The following RPL28 variants were observed in gnomAD, a reference collection of about 807,000 sequenced individuals.
The protein encoded by RPL28 is ribosomal protein L28.
In RPL28, 4 loss-of-function variants were observed where a neutral mutation model predicts 12.5. The ratio of observed to expected loss-of-function variants is 0.32; its 90% CI spans 0.16 to 0.73. The LOEUF (loss-of-function observed/expected upper bound fraction) is 0.73. Ranked by LOEUF, RPL28 falls within the 30% of genes least tolerant of loss-of-function variation. The pLI is 0.66. For synonymous variants in RPL28, 91 were observed against 72.5 expected, an observed-to-expected ratio of 1.26 and a Z score of -1.30; for missense variants, 214 against 197.7, an observed-to-expected ratio of 1.08 and a Z score of -0.49.
At position 55,391,898 on chromosome 19, in the gene RPL28, G is replaced by C. The variant is rs559863117; in HGVS notation, c.*3566G>C. ...CCAGATCCATGTGCAGTAATGCCTG[G>C]TGGCTCCAGGTCTGCCCCGCCGTCC... On this transcript the variant is annotated 3_prime_UTR_variant, in exon 5 of 5. Coordinates refer to ENST00000344063, the MANE Select transcript of RPL28 (RefSeq NM_000991.5). 63 of 1,336,306 alleles carry C rather than the reference G, an allele frequency of 4.7e-5. No individual in the cohort carries two copies. The African/African-American group carries it at 8.8e-4, about 19-fold the overall frequency. 82.8% of individuals were successfully genotyped at this position (1,336,306 alleles called of 1,614,324 possible).
chr19:55,396,772 G>A (rs542436645), downstream of RPL28, among the ~76,000 whole-genome samples: 46 of 150,128 alleles, frequency 3.1e-4, no homozygotes, highest in Middle Eastern at 3.4e-3. Flanking sequence ...AGTAGAGACA[G>A]GGTTTCACCG....
rs2089961321 is a variant in RPL28 at position 55,388,776 on chromosome 19, CG to C, written c.*447del. 1.0e-6 allele frequency: 1 copy of C among 998,204 alleles called. No homozygotes were observed. The highest frequency in any genetic ancestry group is 1.2e-6 in the Non-Finnish European group (1 of 839,030). The allele number at this position is 998,204 out of a possible 1,614,324, so 61.8% of individuals were successfully genotyped here. On this transcript the variant is annotated 3_prime_UTR_variant, in exon 5 of 5. Transcript: ENST00000344063. The stretch of plus-strand genomic sequence containing the variant: ...AAGACCTGGGGGACGACAGACATCA[CG>C]GGAGGAAGATGAGATGACTTTTGCA...
In RPL28 at chr19:55,386,598, C is replaced by T. The variant is rs2089929223; in HGVS notation, c.110C>T (p.Ser37Phe). Residue 37 changes from serine (S) to phenylalanine (F), a missense_variant, in exon 3 of 5, where the codon TCC becomes TTC. Transcript: ENST00000344063. ...CCCAATAACTTGAAGGCCCGCAATT[C>T]CTTCCGCTACAACGGACTGATTCAC... is the stretch of plus-strand genomic sequence containing the variant. ...TEPNNLKARN[S>F]FRYNGLIHRK... The T allele has an allele frequency of 3.1e-6, 5 of 1,610,570 alleles. No homozygotes were observed. Among genetic ancestry groups the T allele is most frequent in the Non-Finnish European group, 4.2e-6 (5 of 1,177,136 alleles).
At chr19:55,403,142 T>C in exon 5 of RPL28, 2 of 749,710 alleles carry the variant, frequency 2.7e-6, no homozygotes, top group Non-Finnish European at 4.7e-6. Flanking sequence ...CAACCCTTTC[T>C]GGTCTCCTGA....
rs1396056085 is a variant in RPL28 at position 55,398,374 on chromosome 19, TTTGAC to T, written c.325-4562_325-4558del. On this transcript the variant is annotated intron_variant, in intron 4 of 4. Transcript: ENST00000560055. ...GTTGTTGAGTAATAAGTTGAGTTCT[TTTGAC>T]TTGACTACAAAGTTTCAAAATGGGC... Among the ~76,000 whole-genome samples, 8 of 152,298 alleles carry T rather than the reference TTTGAC, an allele frequency of 5.3e-5. No homozygotes were observed. In the East Asian group the frequency reaches 1.5e-3, roughly 29 times the overall value.
At chr19:55,386,953 G>A (rs2089936415) in intron 3 of RPL28, 1 of 1,459,056 alleles carries the variant, frequency 6.9e-7, no homozygotes, top group African/African-American at 1.4e-5. Flanking sequence ...TGAGAGTTAA[G>A]GCACGGGGTT....
chr19:55,386,151 C>T (rs1300030353), intron 1 of RPL28, 186 bp downstream of exon 1: 1 of 584,304 alleles, frequency 1.7e-6, no homozygotes, highest in African/African-American at 1.9e-5. Context: ...CTAGTCTCGG[C>T]TGCCTGAATT....
chr19:55,389,650 C>CT lies in RPL28; in HGVS notation c.*1319dup. The CT allele has an allele frequency of 1.0e-6, 1 of 985,546 alleles. No homozygotes were observed. Among genetic ancestry groups the CT allele is most frequent in the Non-Finnish European group, 1.2e-6 (1 of 829,992 alleles). The allele number at this position is 985,546 out of a possible 1,614,324, so 61.1% of individuals were successfully genotyped here. A position where few individuals can be genotyped will look rare whatever the true frequency, so the allele number is the denominator to read the frequency against. On this transcript the variant is annotated 3_prime_UTR_variant, in exon 5 of 5. Coordinates refer to ENST00000344063, the MANE Select transcript of RPL28 (RefSeq NM_000991.5). ...ACTGCCCTTCCGACCTCAGTCCTGT[C>CT]TGCTCCAGTCTTGCCCAGCTCGAAG...
intron 3 of RPL28, 85 bp from the exon 4 acceptor site, chr19:55,387,845 A>C (rs2089948145): frequency 6.7e-7 from 1 of 1,487,152 alleles, no homozygotes; most frequent in Non-Finnish European, 8.9e-7. Flanking sequence ...TCAGCTTCTC[A>C]ATGTGAGACT....
intron 4 of RPL28, chr19:55,401,889 A>G (rs1215701577): frequency 1.0e-6 from 1 of 961,368 alleles, no homozygotes; most frequent in East Asian, 2.6e-5. Flanking sequence ...TCCAGGCCCC[A>G]CCTATGCTGC....
chr19:55,391,956 C>G lies in RPL28; in HGVS notation c.*3624C>G, dbSNP rs7260246. 4.1e-6 allele frequency: 5 copies of G among 1,222,950 alleles called. No individual in the cohort carries two copies. Among genetic ancestry groups the G allele is most frequent in the South Asian group, 2.7e-5 (1 of 37,020 alleles). 75.8% of individuals were successfully genotyped at this position (1,222,950 alleles called of 1,614,324 possible). A position where few individuals can be genotyped will look rare whatever the true frequency, so the allele number is the denominator to read the frequency against. On this transcript the variant is annotated 3_prime_UTR_variant, in exon 5 of 5. Transcript: ENST00000344063. The stretch of plus-strand genomic sequence containing the variant: ...CTGTGAGCTTTCCCAGCCTCCTGCC[C>G]GTGTTTGTGAATATCATTCTGTCCT...
At position 55,390,699 on chromosome 19, in the gene RPL28, C is replaced by T; in HGVS notation, c.*2367C>T. The T allele has an allele frequency of 1.0e-6, 1 of 985,458 alleles. No homozygotes were observed. The allele number at this position is 985,458 out of a possible 1,614,324, so 61.0% of individuals were successfully genotyped here. On this transcript the variant is annotated 3_prime_UTR_variant, in exon 5 of 5. Coordinates refer to ENST00000344063, the MANE Select transcript of RPL28 (RefSeq NM_000991.5). Reference sequence around the variant, plus strand: ...GTGGGCCTCTGTTCCTGCGGGTGGCCAGCCTGTCTGTGTGGCTGGGCTGGG... The same window carrying T: ...GTGGGCCTCTGTTCCTGCGGGTGGCTAGCCTGTCTGTGTGGCTGGGCTGGG...
intron 4 of RPL28, chr19:55,401,575 G>A (rs745530942): frequency 1.2e-6 from 2 of 1,609,922 alleles, no homozygotes; most frequent in Admixed American, 3.3e-5. Flanking sequence ...GGTGGAGGAA[G>A]CTTCAGTGCC....
downstream of RPL28, among the ~76,000 whole-genome samples, chr19:55,393,838 G>A (rs917195638): frequency 1.2e-4 from 15 of 124,168 alleles, no homozygotes; most frequent in African/African-American, 5.3e-4. Flanking sequence ...TAGTAGAGAC[G>A]GGGGTGTCAC....
downstream of RPL28, among the ~76,000 whole-genome samples, chr19:55,396,132 G>A (rs181195254): frequency 5.3e-5 from 8 of 151,846 alleles, no homozygotes; most frequent in Non-Finnish European, 1.0e-4. Flanking sequence ...TTAGCTGGGC[G>A]TGGTAGTGTG....
chr19:55,396,857 GGT>G (rs2090028156), downstream of RPL28, among the ~76,000 whole-genome samples: 1 of 151,762 alleles, frequency 6.6e-6, no homozygotes, highest in Admixed American at 6.6e-5. Flanking sequence ...TGGGATTACA[GGT>G]GTGAGCCACG....
chr19:55,390,147 ATGCT>A lies in RPL28; in HGVS notation c.*1818_*1821del, dbSNP rs1328513799. 1.0e-6 allele frequency: 1 copy of A among 985,294 alleles called. No homozygotes were observed. Among genetic ancestry groups the A allele is most frequent in the Non-Finnish European group, 1.2e-6 (1 of 829,956 alleles). The allele number at this position is 985,294 out of a possible 1,614,324, so 61.0% of individuals were successfully genotyped here. ...GTCTAGCACACCAGCATATAATGAG[ATGCT>A]TGATGAATGGTGCATATTGAATGTA... On this transcript the variant is annotated 3_prime_UTR_variant, in exon 5 of 5. Transcript: ENST00000344063.
Position 55,388,680 on chromosome 19 carries a change from A to T in RPL28, c.*348A>T. 9.2e-7 allele frequency: 1 copy of T among 1,081,760 alleles called. No individual in the cohort carries two copies. Among genetic ancestry groups the T allele is most frequent in the Non-Finnish European group, 1.1e-6 (1 of 892,740 alleles). 67.0% of individuals were successfully genotyped at this position (1,081,760 alleles called of 1,614,324 possible). The stretch of plus-strand genomic sequence containing the variant: ...AGAAGAAAGGCCTTTTCTAGCCCAG[A>T]AGGGTGCAGGCTGAGGGCTGGGCCC... On this transcript the variant is annotated 3_prime_UTR_variant, in exon 5 of 5. Transcript: ENST00000344063.
rs2089973272 is a variant in RPL28, at chr19:55,389,835, C to T, written c.*1503C>T. ...TCAGGACCCCCCGCACTGTCCCAAT[C>T]CCACTCAGGCCCACCTCCAGCTGGC... is the stretch of plus-strand genomic sequence containing the variant. On this transcript the variant is annotated 3_prime_UTR_variant, in exon 5 of 5. Coordinates refer to ENST00000344063, the MANE Select transcript of RPL28 (RefSeq NM_000991.5). 1.0e-6 allele frequency: 1 copy of T among 984,116 alleles called. No individual in the cohort carries two copies. The highest frequency in any genetic ancestry group is 4.7e-5 in the South Asian group (1 of 21,240). The allele number at this position is 984,116 out of a possible 1,614,324, so 61.0% of individuals were successfully genotyped here. A position where few individuals can be genotyped will look rare whatever the true frequency, so the allele number is the denominator to read the frequency against.
Sources: allele counts gnomAD v4.1 joint callset (sites outside exome capture counted in the v4.1 genomes callset), GRCh38; gene constraint gnomAD v4.1.1; transcripts MANE v1.5; gene names NCBI Gene and HGNC (gene_info 2026-07-23, HGNC 2026-07-21).